Variants in CNTN5 observed in about 807,000 individuals in gnomAD.
CNTN5 encodes contactin-5.
A neutral mutation model predicts 129.1 loss-of-function variants in CNTN5; 77 were observed. That is an observed-to-expected ratio of 0.60 (90% confidence interval 0.50 to 0.72). CNTN5 has a LOEUF of 0.72. Ranked by LOEUF, CNTN5 falls within the 30% of genes least tolerant of loss-of-function variation. CNTN5 has a pLI of 0.00. For synonymous variants in CNTN5, 509 were observed against 465.6 expected, an observed-to-expected ratio of 1.09 and a Z score of -1.20; for missense variants, 1,478 against 1,328.8, an observed-to-expected ratio of 1.11 and a Z score of -1.75.
At chr11:100,209,592 GT>G (rs1297300626) in intron 15 of CNTN5, among the ~76,000 whole-genome samples, 1 of 152,112 alleles carries the variant, frequency 6.6e-6, no homozygotes, top group African/African-American at 2.4e-5. Context: ...GGGTTAATTG[GT>G]TTTTCACAAA....
chr11:99,077,179 A>G (rs1865608675), intron 1 of CNTN5, among the ~76,000 whole-genome samples: 1 of 144,202 alleles, frequency 6.9e-6, no homozygotes, highest in Non-Finnish European at 1.5e-5. Flanking sequence ...CATTTGGGAT[A>G]TGTTGCACCC....
intron 13 of CNTN5, among the ~76,000 whole-genome samples, chr11:100,075,484 G>A (rs1237687057): frequency 6.6e-6 from 1 of 152,138 alleles, no homozygotes; most frequent in Non-Finnish European, 1.5e-5. Context: ...GGGGCCTTCA[G>A]AAATGAAGAC....
At chr11:99,735,003 G>T (rs563993803) in intron 3 of CNTN5, among the ~76,000 whole-genome samples, 1 of 140,056 alleles carries the variant, frequency 7.1e-6, no homozygotes, top group Non-Finnish European at 1.6e-5. Flanking sequence ...GCGAGACTCC[G>T]TCTCAAAACA....
At chr11:100,161,863 ACAC>A (rs1333007171) in intron 13 of CNTN5, among the ~76,000 whole-genome samples, 6 of 149,576 alleles carry the variant, frequency 4.0e-5, no homozygotes, top group Non-Finnish European at 5.9e-5. Context: ...ACACACACAC[ACAC>A]ACACACAAAA....
intron 3 of CNTN5, among the ~76,000 whole-genome samples, chr11:99,702,794 G>T (rs1179540256): frequency 2.0e-5 from 3 of 150,860 alleles, no homozygotes; most frequent in Non-Finnish European, 4.5e-5. Context: ...TTCCTATTCA[G>T]TGTTGAAATA....
chr11:100,287,089 A>G (rs1374477076), intron 18 of CNTN5, among the ~76,000 whole-genome samples: 1 of 152,222 alleles, frequency 6.6e-6, no homozygotes, highest in Non-Finnish European at 1.5e-5. Context: ...AAAGCCTCCA[A>G]GAAAATATGG....
intron 3 of CNTN5, among the ~76,000 whole-genome samples, chr11:99,705,924 C>A (rs543427840): frequency 5.3e-5 from 8 of 151,564 alleles, no homozygotes; most frequent in African/African-American, 1.9e-4. Context: ...AACTACCCAA[C>A]TAGAGCAGAG....
chr11:100,042,119 C>T (rs1565819117), intron 9 of CNTN5, among the ~76,000 whole-genome samples: 2 of 152,164 alleles, frequency 1.3e-5, no homozygotes, highest in Admixed American at 6.5e-5. Context: ...CTCACTGCCC[C>T]TGAAGGTTTC....
chr11:99,147,161 T>C (rs1859829891), intron 1 of CNTN5, among the ~76,000 whole-genome samples: 1 of 152,226 alleles, frequency 6.6e-6, no homozygotes, highest in African/African-American at 2.4e-5. Flanking sequence ...TTAATGCATC[T>C]TTCAGTATCT....
intron 1 of CNTN5, among the ~76,000 whole-genome samples, chr11:99,272,372 A>C (rs1272626193): frequency 2.0e-5 from 3 of 151,672 alleles, no homozygotes; most frequent in Non-Finnish European, 2.9e-5. Flanking sequence ...AGCTTATAGA[A>C]AGATAACAAA....
chr11:99,115,586 C>G (rs910677366), intron 1 of CNTN5, among the ~76,000 whole-genome samples: 4 of 152,000 alleles, frequency 2.6e-5, no homozygotes, highest in Non-Finnish European at 5.9e-5. Context: ...ATGGCAAAAC[C>G]CCATCTCTAC....
chr11:100,236,346 C>A (rs1949613992), intron 16 of CNTN5, among the ~76,000 whole-genome samples: 1 of 152,076 alleles, frequency 6.6e-6, no homozygotes, highest in East Asian at 1.9e-4. Context: ...GCTGGCATTG[C>A]CCCAGTTTGG....
intron 15 of CNTN5, among the ~76,000 whole-genome samples, chr11:100,222,360 G>A (rs559782593): frequency 2.0e-5 from 3 of 152,198 alleles, no homozygotes; most frequent in Admixed American, 6.5e-5. Context: ...TCGCTCTCCT[G>A]AATTCCTTGG....
chr11:99,385,313 C>T (rs1024958319), intron 2 of CNTN5, among the ~76,000 whole-genome samples: 4 of 152,082 alleles, frequency 2.6e-5, no homozygotes, highest in African/African-American at 9.7e-5. Flanking sequence ...CTGAAACACC[C>T]CCGCCCCACC....
intron 3 of CNTN5, among the ~76,000 whole-genome samples, chr11:99,753,978 G>T: frequency 8.1e-6 from 1 of 123,740 alleles, no homozygotes. Flanking sequence ...CTGAGCCACG[G>T]CACCCTGCCA....
intron 3 of CNTN5, among the ~76,000 whole-genome samples, chr11:99,808,301 T>C (rs543752451): frequency 2.6e-5 from 4 of 152,286 alleles, no homozygotes; most frequent in African/African-American, 4.8e-5. Context: ...CCACTTGATG[T>C]CTTTGTTTCA....
intron 18 of CNTN5, among the ~76,000 whole-genome samples, chr11:100,289,862 C>T (rs1950913435): frequency 6.7e-6 from 1 of 150,100 alleles, no homozygotes; most frequent in African/African-American, 2.5e-5. Context: ...TAGAAAACCC[C>T]ATTGTCTCAG....
chr11:99,621,010 T>C (rs1272346932), intron 3 of CNTN5, among the ~76,000 whole-genome samples: 1 of 152,134 alleles, frequency 6.6e-6, no homozygotes, highest in African/African-American at 2.4e-5. Flanking sequence ...TGAGGCACTA[T>C]GTTAGGCAAA....
At chr11:99,497,643 T>C (rs1946276494) in intron 2 of CNTN5, among the ~76,000 whole-genome samples, 1 of 152,182 alleles carries the variant, frequency 6.6e-6, no homozygotes, top group Admixed American at 6.5e-5. Context: ...CTCAACTCAA[T>C]ATATAATCCT....
Sources: gnomAD v4.1 joint callset for allele counts (sites outside exome capture counted in the v4.1 genomes callset) on GRCh38, gnomAD v4.1.1 for gene constraint, MANE v1.5 for transcripts, NCBI Gene and HGNC (gene_info 2026-07-23, HGNC 2026-07-21) for gene names.